The following MEIS1 variants were observed in gnomAD, a reference collection of about 807,000 sequenced individuals.
MEIS1 encodes homeobox protein Meis1.
A neutral mutation model predicts 50.8 loss-of-function variants in MEIS1; 5 were observed. The observed-to-expected ratio is 0.10, with a 90% confidence interval of 0.05 to 0.21. The LOEUF (loss-of-function observed/expected upper bound fraction) is 0.21, where lower values mean the gene tolerates loss of function less well. Ranked by LOEUF, MEIS1 falls within the 10% of genes least tolerant of loss-of-function variation. The probability of loss-of-function intolerance (pLI) is 1.00; values close to 1 mark genes in which losing one functional copy is unlikely to be tolerated. For synonymous variants in MEIS1, 176 were observed against 179.3 expected (o/e 0.98, Z 0.15); for missense variants, 318 against 517.3 (o/e 0.61, Z 3.74).
intron 6 of MEIS1, among the ~76,000 whole-genome samples, chr2:66,451,664 G>A (rs1341378674): frequency 1.3e-5 from 2 of 151,982 alleles, no homozygotes; most frequent in Admixed American, 6.6e-5. Flanking sequence ...GGTATTCAGA[G>A]ATTATTCCTT....
intron 6 of MEIS1, among the ~76,000 whole-genome samples, chr2:66,459,201 G>T (rs532826543): frequency 6.6e-6 from 1 of 152,156 alleles, no homozygotes; most frequent in East Asian, 1.9e-4. Flanking sequence ...ATAATCAGGG[G>T]CTGGGGTCAG....
At chr2:66,517,625 A>G (rs1199504971) in intron 8 of MEIS1, among the ~76,000 whole-genome samples, 2 of 152,148 alleles carry the variant, frequency 1.3e-5, no homozygotes, top group East Asian at 3.9e-4. Flanking sequence ...GCTACTTTGT[A>G]GATAGCGTAT....
chr2:66,436,123 A>C (rs768092778), intron 1 of MEIS1, among the ~76,000 whole-genome samples: 3 of 152,096 alleles, frequency 2.0e-5, no homozygotes, highest in Non-Finnish European at 4.4e-5. Flanking sequence ...GCAAGCTCAA[A>C]CAATCATCTG....
At chr2:66,457,721 C>T (rs146379925) in intron 6 of MEIS1, among the ~76,000 whole-genome samples, 16 of 152,304 alleles carry the variant, frequency 1.1e-4, no homozygotes, top group Admixed American at 3.9e-4. Context: ...TGACATACAG[C>T]GATCCCATTC....
At chr2:66,454,170 T>C (rs1356412248) in intron 6 of MEIS1, among the ~76,000 whole-genome samples, 1 of 152,008 alleles carries the variant, frequency 6.6e-6, no homozygotes, top group Non-Finnish European at 1.5e-5. Flanking sequence ...GAGTAGTAAA[T>C]CCCCAATGAG....
intron 6 of MEIS1, among the ~76,000 whole-genome samples, chr2:66,463,244 A>T (rs1672560961): frequency 6.6e-6 from 1 of 151,618 alleles, no homozygotes; most frequent in African/African-American, 2.4e-5. Context: ...GAAGATAAAT[A>T]TCACTTCCTA....
chr2:66,541,288 C>T (rs916138245), intron 8 of MEIS1, among the ~76,000 whole-genome samples: 12 of 151,984 alleles, frequency 7.9e-5, no homozygotes, highest in South Asian at 2.1e-4. Context: ...CCTCCCGTCT[C>T]GGCCTCCCAA....
chr2:66,551,001 G>C (rs1050575402), intron 9 of MEIS1, among the ~76,000 whole-genome samples: 1 of 151,998 alleles, frequency 6.6e-6, no homozygotes, highest in African/African-American at 2.4e-5. Flanking sequence ...GTACATTTTT[G>C]TATGAACTAT....
intron 6 of MEIS1, among the ~76,000 whole-genome samples, chr2:66,450,032 C>G (rs972387556): frequency 4.6e-5 from 7 of 151,982 alleles, no homozygotes; most frequent in Non-Finnish European, 1.0e-4. Context: ...AGCTGTATAT[C>G]AATACAATTG....
At chr2:66,490,385 A>G (rs1673242862) in intron 7 of MEIS1, among the ~76,000 whole-genome samples, 1 of 152,210 alleles carries the variant, frequency 6.6e-6, no homozygotes, top group South Asian at 2.1e-4. Flanking sequence ...CCCCCAACTC[A>G]AGAGCTCTCC....
intron 7 of MEIS1, among the ~76,000 whole-genome samples, chr2:66,507,742 T>C (rs1040064668): frequency 3.3e-5 from 5 of 152,304 alleles, no homozygotes; most frequent in East Asian, 1.9e-4. Context: ...GTCTGACCCA[T>C]TGAATGGCCT....
chr2:66,444,701 C>A (rs548428095), intron 6 of MEIS1, among the ~76,000 whole-genome samples: 28 of 152,316 alleles, frequency 1.8e-4, no homozygotes, highest in Admixed American at 5.2e-4. Flanking sequence ...AGCCCGCCAG[C>A]CCTGGCCCGG....
intron 7 of MEIS1, among the ~76,000 whole-genome samples, chr2:66,473,397 A>AAAAAAAAATATATATAT: frequency 7.4e-5 from 8 of 107,588 alleles, no homozygotes; most frequent in East Asian, 7.0e-4. Flanking sequence ...AAAAAAAAAA[A>AAAAAAAAATATATATAT]ATATATATAT....
At position 66,555,280 on chromosome 2, in the gene MEIS1, C is replaced by CTCTCTCTCTCTCTCTCTCT. The variant is rs10695722; in HGVS notation, c.965+7261_965+7262insTCTCTCTCTCTCTCTCTCT. 5.2e-3 allele frequency among the ~76,000 whole-genome samples: 698 copies of CTCTCTCTCTCTCTCTCTCT among 133,912 alleles called. 8 individuals carry two copies. Among genetic ancestry groups the CTCTCTCTCTCTCTCTCTCT allele is most frequent in the Non-Finnish European group, 6.6e-3 (435 of 65,574 alleles). The allele number at this position is 133,912 out of a possible 152,430, so 87.9% of individuals were successfully genotyped here. ...TCTCTCTCTCTCTCTCTCTCTCTCT[C>CTCTCTCTCTCTCTCTCTCT]GTCTCTCTCCACCCCCCAAACCCCC... On this transcript the variant is annotated intron_variant, in intron 9 of 12. Coordinates refer to ENST00000272369, the MANE Select transcript of MEIS1 (RefSeq NM_002398.3).
chr2:66,518,201 T>G (rs1343513069), intron 8 of MEIS1, among the ~76,000 whole-genome samples: 1 of 152,166 alleles, frequency 6.6e-6, no homozygotes, highest in African/African-American at 2.4e-5. Context: ...TAAAATTGCT[T>G]ATTTATCCAG....
intron 6 of MEIS1, among the ~76,000 whole-genome samples, chr2:66,445,628 C>T (rs1412128362): frequency 6.6e-6 from 1 of 152,132 alleles, no homozygotes; most frequent in Admixed American, 6.5e-5. Flanking sequence ...CTCATTAACC[C>T]CTCTGTCTCT....
intron 8 of MEIS1, among the ~76,000 whole-genome samples, chr2:66,535,899 G>T (rs536713070): frequency 1.3e-5 from 2 of 152,306 alleles, no homozygotes; most frequent in Admixed American, 6.5e-5. Context: ...AAACTGAAGT[G>T]CATGGTGCAC....
intron 7 of MEIS1, among the ~76,000 whole-genome samples, chr2:66,478,894 T>TA (rs1255644468): frequency 2.0e-5 from 3 of 152,178 alleles, no homozygotes; most frequent in Non-Finnish European, 4.4e-5. Flanking sequence ...CTCATCAGGG[T>TA]ACACATTATT....
At chr2:66,461,452 C>T (rs1029476666) in intron 6 of MEIS1, among the ~76,000 whole-genome samples, 10 of 152,112 alleles carry the variant, frequency 6.6e-5, no homozygotes, top group African/African-American at 2.4e-4. Context: ...TCTTCTAATG[C>T]TCAGTTTCAT....
Sources: allele counts gnomAD v4.1 joint callset (sites outside exome capture counted in the v4.1 genomes callset), GRCh38; gene constraint gnomAD v4.1.1; transcripts MANE v1.5; gene names NCBI Gene and HGNC (gene_info 2026-07-23, HGNC 2026-07-21).